Variants in NLGN4X observed in about 807,000 individuals in gnomAD.
The protein encoded by NLGN4X is neuroligin-4, X-linked.
A neutral mutation model predicts 40.3 loss-of-function variants in NLGN4X; 3 were observed. The observed-to-expected ratio is 0.07, with a 90% confidence interval of 0.03 to 0.19. The LOEUF is 0.19. NLGN4X is among the 10% of genes least tolerant of loss of function. The pLI is 1.00. For missense variants in NLGN4X, 382 were observed against 708.3 expected (o/e 0.54, Z 5.23); for synonymous variants, 270 against 306.8 (o/e 0.88, Z 1.25).
At position 6,080,339 on chromosome X, in the gene NLGN4X, G is replaced by A. The variant is rs776008487; in HGVS notation, c.473-50907C>T. Among the ~76,000 whole-genome samples the A allele has an allele frequency of 1.3e-3, 150 of 111,388 alleles. 1 individual carries two copies. Among genetic ancestry groups the A allele is most frequent in the Non-Finnish European group, 1.0e-3 (55 of 53,055 alleles). ...TCCAAGTGAACAGTCCTGACATTCCGAATCCAAAGCAGAGATTTTTCATCT... is the reference window on the plus strand; with the variant it reads ...TCCAAGTGAACAGTCCTGACATTCCAAATCCAAAGCAGAGATTTTTCATCT... On this transcript the variant is annotated intron_variant, in intron 2 of 5. Coordinates refer to ENST00000381095, the MANE Select transcript of NLGN4X (RefSeq NM_181332.3).
intron 1 of NLGN4X, among the ~76,000 whole-genome samples, chrX:6,155,512 A>G (rs374454998): frequency 1.8e-5 from 2 of 111,731 alleles, no homozygotes; most frequent in East Asian, 5.6e-4. Flanking sequence ...TTTGTTCTGA[A>G]GCCCAAAGCT....
rs146331819 is a variant in NLGN4X at position 5,938,138 on chromosome X, A to C, written c.626-28899T>G. On this transcript the variant is annotated intron_variant, in intron 3 of 5. Coordinates refer to ENST00000381095, the MANE Select transcript of NLGN4X (RefSeq NM_181332.3). ...TGTATACATTTTAGTCCAGGCTGGGATCTCACAGTCAGGAGTCAAGGAGAA... is the reference window on the plus strand; with the variant it reads ...TGTATACATTTTAGTCCAGGCTGGGCTCTCACAGTCAGGAGTCAAGGAGAA... 1.3e-3 allele frequency among the ~76,000 whole-genome samples: 144 copies of C among 111,687 alleles called. 2 individuals are homozygous for C. The highest frequency in any genetic ancestry group is 9.6e-3 in the East Asian group (34 of 3,531).
intron 2 of NLGN4X, among the ~76,000 whole-genome samples, chrX:6,043,435 T>A (rs757430767): frequency 8.0e-4 from 89 of 111,654 alleles, no homozygotes; most frequent in Non-Finnish European, 1.6e-3. Flanking sequence ...CATATATTTT[T>A]TCCTTGTTAT....
chrX:6,140,457 GACACACACACAC>G (rs34281533), intron 2 of NLGN4X, among the ~76,000 whole-genome samples: 2,551 of 96,002 alleles, frequency 0.027, 80 homozygotes, highest in African/African-American at 0.086. Context: ...TTCACACACA[GACACACACACAC>G]ACACACACAC....
At chrX:5,904,484 A>G (rs1217702659) in intron 4 of NLGN4X, among the ~76,000 whole-genome samples, 1 of 112,311 alleles carries the variant, frequency 8.9e-6, no homozygotes, top group African/African-American at 3.2e-5. Flanking sequence ...CTGGGTGCCC[A>G]AGTAAGGAGT....
chrX:6,180,753 A>G (rs1411657827), intron 1 of NLGN4X, among the ~76,000 whole-genome samples: 1 of 111,113 alleles, frequency 9.0e-6, no homozygotes, highest in Non-Finnish European at 1.9e-5. Flanking sequence ...GAGTTGCTAT[A>G]AACTCCAGTT....
intron 1 of NLGN4X, among the ~76,000 whole-genome samples, chrX:6,183,494 C>T (rs1296255415): frequency 9.1e-6 from 1 of 109,357 alleles, no homozygotes; most frequent in African/African-American, 3.3e-5. Flanking sequence ...TTGCAGTGAG[C>T]GGAGATCGCG....
intron 2 of NLGN4X, among the ~76,000 whole-genome samples, chrX:6,143,197 C>T (rs780905878): frequency 1.2e-4 from 13 of 112,095 alleles, no homozygotes; most frequent in Non-Finnish European, 2.4e-4. Flanking sequence ...ACCTCTCAGC[C>T]GCCTCTATTT....
At chrX:5,914,620 A>ATATATATATAATATATGTATG (rs1282974886) in intron 3 of NLGN4X, among the ~76,000 whole-genome samples, 75 of 13,240 alleles carry the variant, frequency 5.7e-3, no homozygotes, top group Non-Finnish European at 8.9e-3. Flanking sequence ...ATATGTATGT[A>ATATATATATAATATATGTATG]TATATATATA....
At chrX:6,191,113 A>G (rs1922501958) in intron 1 of NLGN4X, among the ~76,000 whole-genome samples, 1 of 110,629 alleles carries the variant, frequency 9.0e-6, no homozygotes, top group African/African-American at 3.3e-5. Context: ...TTAAGTAAAC[A>G]ATTTTCACCA....
chrX:6,151,144 G>C lies in NLGN4X; in HGVS notation c.323C>G (p.Ala108Gly), dbSNP rs2040156131. ...CTCATCCAGGTGCTGGGGGCACACAGCAGCAAACTGAGTAGTATTTCGGAT... is the reference window on the plus strand; with the variant it reads ...CTCATCCAGGTGCTGGGGGCACACACCAGCAAACTGAGTAGTATTTCGGAT... ...TGIRNTTQFAAVCPQHLDERS... is the reference protein window; with the variant it reads ...TGIRNTTQFAGVCPQHLDERS... The change falls in exon 2 of 6, where the codon GCT becomes GGT. Residue 108 changes from alanine to glycine, a missense_variant. Transcript: ENST00000381095. 2.5e-6 allele frequency: 3 copies of C among 1,210,055 alleles called. No homozygotes were observed. Among genetic ancestry groups the C allele is most frequent in the Non-Finnish European group, 3.4e-6 (3 of 895,140 alleles).
At chrX:6,009,188 G>A (rs2036183218) in intron 3 of NLGN4X, among the ~76,000 whole-genome samples, 1 of 111,833 alleles carries the variant, frequency 8.9e-6, no homozygotes, top group African/African-American at 3.2e-5. Context: ...TGAATAACAT[G>A]GTTAAGGACT....
chrX:6,022,149 G>C (rs1199270994), intron 3 of NLGN4X, among the ~76,000 whole-genome samples: 1 of 111,957 alleles, frequency 8.9e-6, no homozygotes, highest in Non-Finnish European at 1.9e-5. Flanking sequence ...CCTGGGTCCT[G>C]TTTTAGACAG....
intron 3 of NLGN4X, among the ~76,000 whole-genome samples, chrX:5,929,107 A>C (rs2033441497): frequency 8.9e-6 from 1 of 111,873 alleles, no homozygotes; most frequent in Non-Finnish European, 1.9e-5. Flanking sequence ...AAAAATCTAC[A>C]TAAGATTTAA....
chrX:6,151,455 G>A lies in NLGN4X; in HGVS notation c.12C>T (p.Pro4=). 8.3e-7 allele frequency: 1 copy of A among 1,208,926 alleles called. No homozygotes were observed. Among genetic ancestry groups the A allele is most frequent in the Non-Finnish European group, 1.1e-6 (1 of 893,276 alleles). ...ACAAAGGAAGCCATAGCAGTCCCTG[G>A]GGCCGTGACATGGTTCAAATCTGCA... MSR[P]QGLLWLPLLF... Residue 4 remains proline (P), a synonymous_variant, in exon 2 of 6, where the codon CCC becomes CCT. Transcript: ENST00000381095.
Position 5,922,235 on chromosome X carries a change from C to T in NLGN4X, c.626-12996G>A, listed in dbSNP as rs781046584. Among the ~76,000 whole-genome samples, 552 of 110,559 alleles carry T rather than the reference C, an allele frequency of 5.0e-3. 1 individual carries two copies. The highest frequency in any genetic ancestry group is 8.5e-3 in the Non-Finnish European group (448 of 52,924). On this transcript the variant is annotated intron_variant, in intron 3 of 5. Transcript: ENST00000381095. ...TCAGATTTCACCTCTTTTATTTCTT[C>T]GTGGGGAGGGGGGGAAACAGGAGAA...
At chrX:5,965,654 C>A (rs1423228395) in intron 3 of NLGN4X, among the ~76,000 whole-genome samples, 3 of 111,722 alleles carry the variant, frequency 2.7e-5, no homozygotes, top group African/African-American at 9.8e-5. Context: ...TAAGGACAGA[C>A]CACCATTCTT....
In NLGN4X at chrX:6,021,313, A is replaced by T. The variant is rs1028936151; in HGVS notation, c.625+7967T>A. Among the ~76,000 whole-genome samples, 4 of 109,219 alleles carry T rather than the reference A, an allele frequency of 3.7e-5. No individual in the cohort carries two copies. The Admixed American group carries it at 4.0e-4, about 11-fold the overall frequency. The allele number at this position is 109,219 out of a possible 115,157, so 94.8% of individuals were successfully genotyped here. A position where few individuals can be genotyped will look rare whatever the true frequency, so the allele number is the denominator to read the frequency against. On this transcript the variant is annotated intron_variant, in intron 3 of 5. Transcript: ENST00000381095. ...TCGCTTGTTGTTGAGTCAGCTGAGG[A>T]CGAGGGAGCCTCTTTGCTCTGCTGT...
chrX:6,126,347 C>A (rs1040941968), intron 2 of NLGN4X, among the ~76,000 whole-genome samples: 1 of 110,852 alleles, frequency 9.0e-6, no homozygotes, highest in Non-Finnish European at 1.9e-5. Flanking sequence ...GTCAGTGGGC[C>A]ATACAATGGT....
Sources: gnomAD v4.1 joint callset for allele counts (sites outside exome capture counted in the v4.1 genomes callset) on GRCh38, gnomAD v4.1.1 for gene constraint, MANE v1.5 for transcripts, NCBI Gene and HGNC (gene_info 2026-07-23, HGNC 2026-07-21) for gene names.